Variants in KLHL13 observed in about 807,000 individuals in gnomAD.
KLHL13 encodes the protein kelch like family member 13.
A neutral mutation model predicts 37.1 loss-of-function variants in KLHL13; 10 were observed. The ratio of observed to expected loss-of-function variants is 0.27; its 90% confidence interval spans 0.17 to 0.46. KLHL13 has a LOEUF of 0.46. Ranked by LOEUF, KLHL13 falls within the 20% of genes least tolerant of loss-of-function variation. The pLI, the probability that KLHL13 is intolerant of heterozygous loss-of-function variation, is 1.00. For missense variants in KLHL13, 360 were observed against 509.3 expected, an observed-to-expected ratio of 0.71 and a Z score of 2.82; for synonymous variants, 163 against 181.2, an observed-to-expected ratio of 0.90 and a Z score of 0.81.
chrX:117,950,173 A>G (rs1372092919), intron 1 of KLHL13, among the ~76,000 whole-genome samples: 2 of 112,921 alleles, frequency 1.8e-5, no homozygotes, highest in African/African-American at 6.4e-5. Context: ...CAACAAAAGA[A>G]TGAAAGTCCC....
chrX:118,047,284 A>G (rs914554054), intron 1 of KLHL13, among the ~76,000 whole-genome samples: 1 of 112,268 alleles, frequency 8.9e-6, no homozygotes, highest in African/African-American at 3.2e-5. Flanking sequence ...TCATGCAGTG[A>G]AGAAGGCAAG....
intron 1 of KLHL13, among the ~76,000 whole-genome samples, chrX:117,998,516 A>G (rs1188595423): frequency 2.7e-5 from 3 of 111,632 alleles, no homozygotes; most frequent in Admixed American, 1.9e-4. Flanking sequence ...CACAGATATC[A>G]GGAGCAACTA....
chrX:117,915,597 T>G (rs146335588), intron 4 of KLHL13, among the ~76,000 whole-genome samples: 1 of 112,402 alleles, frequency 8.9e-6, no homozygotes, highest in Non-Finnish European at 1.9e-5. Flanking sequence ...TCTCATTCTC[T>G]TGTTAAAAAA....
chrX:117,985,153 G>A (rs929434530), intron 1 of KLHL13: 9 of 625,804 alleles, frequency 1.4e-5, no homozygotes, highest in East Asian at 1.2e-4. Context: ...TTTGTATATC[G>A]CTTCACAGCC....
chrX:118,066,792 A>AGAAAATCTAGTTTTTTTCCTTAATGGGC (rs2054798935), intron 1 of KLHL13, among the ~76,000 whole-genome samples: 1 of 111,921 alleles, frequency 8.9e-6, no homozygotes, highest in Non-Finnish European at 1.9e-5. Flanking sequence ...CTACAATGAA[A>AGAAAATCTAGTTTTTTTCCTTAATGGGC]GAAAATCTAG....
At chrX:118,080,447 C>A (rs1263843416) in intron 1 of KLHL13, among the ~76,000 whole-genome samples, 1 of 110,567 alleles carries the variant, frequency 9.0e-6, no homozygotes, top group Non-Finnish European at 1.9e-5. Flanking sequence ...ATTAAAAAAA[C>A]GGGCAAAGGA....
intron 1 of KLHL13, among the ~76,000 whole-genome samples, chrX:117,992,445 C>A (rs942454448): frequency 9.0e-6 from 1 of 110,799 alleles, no homozygotes; most frequent in African/African-American, 3.3e-5. Context: ...TGTGTCATGT[C>A]CAAACAAATG....
At chrX:117,926,304 A>T (rs1336361717) in intron 2 of KLHL13, among the ~76,000 whole-genome samples, 2 of 111,543 alleles carry the variant, frequency 1.8e-5, no homozygotes, top group Non-Finnish European at 3.8e-5. Context: ...GGCAAAACCT[A>T]GTATTCTCCT....
intron 1 of KLHL13, among the ~76,000 whole-genome samples, chrX:118,107,535 T>C (rs1261705345): frequency 2.7e-5 from 3 of 112,102 alleles, no homozygotes; most frequent in Non-Finnish European, 5.6e-5. Flanking sequence ...TCTATGAAAA[T>C]AATAATAAGT....
At chrX:118,092,967 T>C (rs987806289) in intron 1 of KLHL13, among the ~76,000 whole-genome samples, 1 of 111,748 alleles carries the variant, frequency 8.9e-6, no homozygotes, top group Admixed American at 9.5e-5. Flanking sequence ...AAAACCAGGC[T>C]ACTTCCTAAT....
chrX:118,082,025 TAGGTTG>T (rs2055000929), intron 1 of KLHL13, among the ~76,000 whole-genome samples: 1 of 109,455 alleles, frequency 9.1e-6, no homozygotes, highest in Non-Finnish European at 1.9e-5. Context: ...GACATACAGT[TAGGTTG>T]ATTTCATATC....
chrX:117,945,563 T>C (rs761088471), exon 2 of KLHL13: 1 of 1,196,046 alleles, frequency 8.4e-7, no homozygotes, highest in Non-Finnish European at 1.1e-6. Context: ...GGTCTTCCTC[T>C]TCCACGAGAG....
intron 1 of KLHL13, among the ~76,000 whole-genome samples, chrX:117,983,326 T>C (rs1236330775): frequency 9.0e-6 from 1 of 111,326 alleles, no homozygotes; most frequent in African/African-American, 3.3e-5. Flanking sequence ...AACAGCATGA[T>C]TTACATACTT....
At chrX:117,956,978 C>G (rs1056294177) in intron 1 of KLHL13, among the ~76,000 whole-genome samples, 4 of 112,147 alleles carry the variant, frequency 3.6e-5, no homozygotes, top group African/African-American at 1.3e-4. Context: ...TTTCAGAAAT[C>G]TCCGATGTAT....
intron 1 of KLHL13, among the ~76,000 whole-genome samples, chrX:118,047,716 A>G (rs1231650928): frequency 8.9e-6 from 1 of 112,093 alleles, no homozygotes; most frequent in Admixed American, 9.4e-5. Context: ...CACATGCACA[A>G]CACATAAAGC....
intron 1 of KLHL13, among the ~76,000 whole-genome samples, chrX:118,019,170 C>A (rs2054166055): frequency 9.0e-6 from 1 of 111,296 alleles, no homozygotes; most frequent in Admixed American, 9.6e-5. Context: ...CCTCACCTAA[C>A]TGCAAATTTT....
Position 117,930,318 on chromosome X carries a change from C to CAGGA in KLHL13, c.241-9952_241-9949dup, listed in dbSNP as rs1307585951. On this transcript the variant is annotated intron_variant, in intron 2 of 6. Transcript: ENST00000262820. ...GCAGGCAGGCAGGCAGGCAGGCAGG[C>CAGGA]AGGAAGGCAGGAAGGCAGGAAGGCA... is the stretch of plus-strand genomic sequence containing the variant. Among the ~76,000 whole-genome samples, 216 of 100,344 alleles carry CAGGA rather than the reference C, an allele frequency of 2.2e-3. 3 individuals are homozygous for CAGGA. Among genetic ancestry groups the CAGGA allele is most frequent in the South Asian group, 9.6e-3 (20 of 2,080 alleles). 87.1% of individuals were successfully genotyped at this position (100,344 alleles called of 115,157 possible).
chrX:117,945,521 T>A (rs780000244), exon 2 of KLHL13: 25 of 1,207,555 alleles, frequency 2.1e-5, no homozygotes, highest in Non-Finnish European at 2.8e-5. Context: ...AGAGGCCCAT[T>A]TCGCTGCCTC....
At chrX:117,906,168 G>A (rs945289595) in intron 5 of KLHL13, among the ~76,000 whole-genome samples, 2 of 111,348 alleles carry the variant, frequency 1.8e-5, no homozygotes, top group African/African-American at 6.5e-5. Flanking sequence ...CGTTGAAGGA[G>A]GAATTCTATT....
Sources: allele counts gnomAD v4.1 joint callset (sites outside exome capture counted in the v4.1 genomes callset), GRCh38; gene constraint gnomAD v4.1.1; transcripts MANE v1.5; gene names NCBI Gene and HGNC (gene_info 2026-07-23, HGNC 2026-07-21).